The following XKR9 variants were observed in gnomAD, a reference collection of about 807,000 sequenced individuals.
XKR9 encodes XK-related protein 9.
In XKR9, 32 loss-of-function variants were observed where a neutral mutation model predicts 32.0. The ratio of observed to expected loss-of-function variants is 1.00; its 90% CI spans 0.76 to 1.34. XKR9 has a LOEUF of 1.34. XKR9 is among the 40% of genes most tolerant of loss of function. XKR9 has a pLI of 0.00. For synonymous variants in XKR9, 168 were observed against 143.4 expected (o/e 1.17, Z -1.22); for missense variants, 546 against 429.7 (o/e 1.27, Z -2.39).
chr8:70,721,151 C>T (rs1215623565), intron 4 of XKR9, among the ~76,000 whole-genome samples: 1 of 152,120 alleles, frequency 6.6e-6, no homozygotes, highest in African/African-American at 2.4e-5. Context: ...GTGATATCCC[C>T]TTTATCATTT....
the XKR9 span, among the ~76,000 whole-genome samples, chr8:71,008,631 A>AT: frequency 1.3e-5 from 2 of 152,114 alleles, no homozygotes; most frequent in African/African-American, 4.8e-5. Context: ...AATTTATTTT[A>AT]TTTTTTTACT....
chr8:70,738,527 G>T (rs1806905093), downstream of XKR9, among the ~76,000 whole-genome samples: 1 of 149,548 alleles, frequency 6.7e-6, no homozygotes, highest in Non-Finnish European at 1.5e-5. Flanking sequence ...GAATGTGTTT[G>T]CCCTTGCTTT....
At chr8:70,796,901 T>C in the XKR9 span, among the ~76,000 whole-genome samples, 1 of 152,132 alleles carries the variant, frequency 6.6e-6, no homozygotes, top group Non-Finnish European at 1.5e-5. Context: ...AAGACAAACA[T>C]GACAGTGGCA....
chr8:70,756,500 G>T (rs559961497), intron 2 of XKR9, among the ~76,000 whole-genome samples: 2 of 152,292 alleles, frequency 1.3e-5, no homozygotes, highest in South Asian at 4.1e-4. Context: ...CCATGAACAT[G>T]AGATGTTTTT....
At chr8:70,759,235 T>G (rs975249261) in intron 2 of XKR9, among the ~76,000 whole-genome samples, 6 of 152,208 alleles carry the variant, frequency 3.9e-5, no homozygotes, top group Non-Finnish European at 4.4e-5. Flanking sequence ...AATCATGGAA[T>G]TTTTTAAAAC....
At chr8:70,769,471 T>C (rs944719411) in intron 2 of XKR9, among the ~76,000 whole-genome samples, 1 of 152,142 alleles carries the variant, frequency 6.6e-6, no homozygotes, top group Non-Finnish European at 1.5e-5. Flanking sequence ...TTCCTGAATT[T>C]GAATGTTGGC....
chr8:70,736,244 TG>T (rs1390493076), downstream of XKR9, among the ~76,000 whole-genome samples: 1 of 152,208 alleles, frequency 6.6e-6, no homozygotes, highest in African/African-American at 2.4e-5. Context: ...ATGTGTTTTT[TG>T]GTTGCATAAA....
the XKR9 span, among the ~76,000 whole-genome samples, chr8:70,808,753 C>T: frequency 1.1e-4 from 17 of 152,216 alleles, no homozygotes; most frequent in Admixed American, 7.9e-4. Context: ...TGGGGAGGGG[C>T]GCCAGCCATT....
the XKR9 span, among the ~76,000 whole-genome samples, chr8:70,899,487 A>G: frequency 6.8e-6 from 1 of 148,126 alleles, no homozygotes; most frequent in Non-Finnish European, 1.5e-5. Flanking sequence ...TCAATTTTGC[A>G]TGGGGAGTCA....
At chr8:70,883,105 T>C in the XKR9 span, among the ~76,000 whole-genome samples, 1 of 151,936 alleles carries the variant, frequency 6.6e-6, no homozygotes, top group Non-Finnish European at 1.5e-5. Flanking sequence ...ACTGAATGTG[T>C]ATTCTTTTGT....
the XKR9 span, among the ~76,000 whole-genome samples, chr8:70,949,031 G>A: frequency 1.1e-4 from 17 of 152,252 alleles, no homozygotes; most frequent in Admixed American, 9.2e-4. Flanking sequence ...TTTACAAATT[G>A]TTCCTGGAAT....
chr8:70,891,256 A>G, the XKR9 span, among the ~76,000 whole-genome samples: 1 of 151,298 alleles, frequency 6.6e-6, no homozygotes, highest in Non-Finnish European at 1.5e-5. Flanking sequence ...TTTTTGTTTC[A>G]TTGATCTTTT....
At chr8:70,756,229 A>G (rs539742176) in intron 2 of XKR9, among the ~76,000 whole-genome samples, 2 of 152,232 alleles carry the variant, frequency 1.3e-5, no homozygotes, top group East Asian at 1.9e-4. Context: ...TACTCTATAT[A>G]TCTGTTCTTT....
the XKR9 span, among the ~76,000 whole-genome samples, chr8:70,838,057 TG>T: frequency 6.6e-6 from 1 of 152,114 alleles, no homozygotes; most frequent in Non-Finnish European, 1.5e-5. Context: ...CAAAAGTTTT[TG>T]TTCCTTTATT....
At chr8:70,960,899 G>A in the XKR9 span, among the ~76,000 whole-genome samples, 2 of 151,510 alleles carry the variant, frequency 1.3e-5, no homozygotes, top group South Asian at 2.1e-4. Flanking sequence ...AGAAGGAAAG[G>A]CTGGGCACCG....
chr8:70,849,504 G>A, the XKR9 span, among the ~76,000 whole-genome samples: 1 of 152,138 alleles, frequency 6.6e-6, no homozygotes, highest in African/African-American at 2.4e-5. Context: ...ATGCCTGCAG[G>A]AGAAAGCAAG....
At chr8:70,940,083 G>A in the XKR9 span, among the ~76,000 whole-genome samples, 1,495 of 152,100 alleles carry the variant, frequency 9.8e-3, 23 homozygotes, top group African/African-American at 0.034. Flanking sequence ...GGGTAAGTAC[G>A]TGGTACAGGA....
At chr8:70,877,560 C>A in the XKR9 span, among the ~76,000 whole-genome samples, 1 of 152,026 alleles carries the variant, frequency 6.6e-6, no homozygotes, top group East Asian at 1.9e-4. Flanking sequence ...TTATAGGTAT[C>A]AGTGATTGAA....
intron 3 of XKR9, among the ~76,000 whole-genome samples, chr8:70,683,260 G>A (rs1274781943): frequency 1.3e-5 from 2 of 152,032 alleles, no homozygotes; most frequent in African/African-American, 4.8e-5. Flanking sequence ...TGTTAACATT[G>A]ATAATTTAAA....
Sources: gnomAD v4.1 joint callset for allele counts (sites outside exome capture counted in the v4.1 genomes callset) on GRCh38, gnomAD v4.1.1 for gene constraint, MANE v1.5 for transcripts, NCBI Gene and HGNC (gene_info 2026-07-23, HGNC 2026-07-21) for gene names.